DLG2: variants seen among roughly 807,000 people sequenced by gnomAD.
DLG2 encodes discs large MAGUK scaffold protein 2, also known as disks large homolog 2.
DLG2 carries 45 observed loss-of-function variants against 132.5 expected under a neutral mutation model. That is an observed-to-expected ratio of 0.34 (90% CI 0.27 to 0.44). DLG2 has a LOEUF of 0.44. Among genes scored for constraint, DLG2 ranks in the 20% least tolerant of loss-of-function variants. The pLI, the probability that DLG2 is intolerant of heterozygous loss-of-function variation, is 1.00. For synonymous variants in DLG2, 424 were observed against 419.6 expected, an observed-to-expected ratio of 1.01 and a Z score of -0.13; for missense variants, 1,045 against 1,196.9, an observed-to-expected ratio of 0.87 and a Z score of 1.87.
intron 6 of DLG2, among the ~76,000 whole-genome samples, chr11:85,048,995 C>A (rs1011825651): frequency 1.3e-5 from 2 of 151,988 alleles, no homozygotes; most frequent in African/African-American, 4.8e-5. Context: ...AATTCAATAA[C>A]CCTATACCTC....
At position 83,611,583 on chromosome 11, in the gene DLG2, C is replaced by T. The variant is rs1439324293; in HGVS notation, c.1940+21628G>A. Among the ~76,000 whole-genome samples the T allele has an allele frequency of 9.2e-5, 14 of 152,276 alleles. No individual in the cohort carries two copies. The South Asian group carries it at 2.5e-3, about 27-fold the overall frequency. ...ATTAAGACTTTTACACTTATCTGTA[C>T]ATAAAAATGGAAATTATTTCAATAA... is the stretch of plus-strand genomic sequence containing the variant. On this transcript the variant is annotated intron_variant, in intron 19 of 27. Coordinates refer to ENST00000376104, the MANE Select transcript of DLG2 (RefSeq NM_001142699.3).
intron 6 of DLG2, among the ~76,000 whole-genome samples, chr11:84,959,811 A>G (rs766512237): frequency 2.6e-5 from 4 of 152,156 alleles, no homozygotes; most frequent in South Asian, 2.1e-4. Context: ...TGTATATAGA[A>G]AGATATGAGT....
intron 6 of DLG2, among the ~76,000 whole-genome samples, chr11:84,568,623 T>A (rs2099467525): frequency 6.6e-6 from 1 of 152,138 alleles, no homozygotes; most frequent in Non-Finnish European, 1.5e-5. Context: ...ATGGCTAGTA[T>A]CTATGCCCAG....
Position 84,946,157 on chromosome 11 carries a change from C to A in DLG2, c.357+165504G>T, listed in dbSNP as rs1376536814. Among the ~76,000 whole-genome samples the A allele has an allele frequency of 2.6e-5, 4 of 152,318 alleles. No individual in the cohort carries two copies. The East Asian group carries it at 5.8e-4, about 22-fold the overall frequency. ...TGGGACCAAACATTTCATCCAGGAA[C>A]CAAAGTCTAGAATCAGAAACCCCAG... On this transcript the variant is annotated intron_variant, in intron 6 of 27. Transcript: ENST00000376104.
At chr11:84,207,246 A>G (rs2154305264) in intron 8 of DLG2, among the ~76,000 whole-genome samples, 1 of 152,214 alleles carries the variant, frequency 6.6e-6, no homozygotes, top group Admixed American at 6.5e-5. Context: ...AGTCAATGAA[A>G]TGCCAATGAA....
chr11:85,615,876 G>T (rs562769406), intron 2 of DLG2, among the ~76,000 whole-genome samples: 3 of 151,794 alleles, frequency 2.0e-5, no homozygotes, highest in African/African-American at 7.3e-5. Flanking sequence ...TGATGGAAGG[G>T]GACTCTGACA....
At position 83,482,769 on chromosome 11, in the gene DLG2, C is replaced by T. The variant is rs35339362; in HGVS notation, c.2293+1360G>A. Among the ~76,000 whole-genome samples the T allele has an allele frequency of 6.4e-4, 97 of 152,212 alleles. 1 individual carries two copies. The South Asian group carries it at 7.0e-3, about 11-fold the overall frequency. On this transcript the variant is annotated intron_variant, in intron 22 of 27. Transcript: ENST00000376104. Reference sequence around the variant, plus strand: ...AGAGAATGCATGTTCCTTTTGACTACGAAACAGCTCCTTTACTAACAGCAA... The same window carrying T: ...AGAGAATGCATGTTCCTTTTGACTATGAAACAGCTCCTTTACTAACAGCAA...
chr11:84,549,663 A>C (rs1195362142), intron 6 of DLG2, among the ~76,000 whole-genome samples: 1 of 152,132 alleles, frequency 6.6e-6, no homozygotes, highest in Admixed American at 6.5e-5. Flanking sequence ...CACTATAGGA[A>C]ATTGATGAGA....
rs1169824422 is a variant in DLG2, at chr11:84,100,235, AGAGATATATATATCTAAAGC to A, written c.625-1208_625-1189del. Among the ~76,000 whole-genome samples, 2 of 42,804 alleles carry A rather than the reference AGAGATATATATATCTAAAGC, an allele frequency of 4.7e-5. 1 individual carries two copies. Among genetic ancestry groups the A allele is most frequent in the South Asian group, 2.1e-3 (2 of 958 alleles). The allele number at this position is 42,804 out of a possible 152,430, so 28.1% of individuals were successfully genotyped here. Reference sequence around the variant, plus strand: ...TCTAAAGAGATATATATATATCTAAAGAGATATATATATCTAAAGCGATATATATATATATAAAGGATATA... The same window carrying A: ...TCTAAAGAGATATATATATATCTAAAGATATATATATATATAAAGGATATA... On this transcript the variant is annotated intron_variant, in intron 9 of 27. Transcript: ENST00000376104.
intron 6 of DLG2, among the ~76,000 whole-genome samples, chr11:84,857,060 T>TTGGTAAAATTACCAATG (rs1566166643): frequency 1.3e-5 from 2 of 150,386 alleles, no homozygotes; most frequent in African/African-American, 4.9e-5. Context: ...TTTGAAGCCA[T>TTGGTAAAATTACCAATG]TGGTAAAATT....
At chr11:85,203,233 A>G (rs1330632658) in intron 4 of DLG2, among the ~76,000 whole-genome samples, 2 of 151,660 alleles carry the variant, frequency 1.3e-5, no homozygotes, top group Admixed American at 6.6e-5. Flanking sequence ...CAAAAGATCA[A>G]TGAGATGAAA....
At chr11:84,781,767 T>C (rs931124837) in intron 6 of DLG2, among the ~76,000 whole-genome samples, 3 of 152,164 alleles carry the variant, frequency 2.0e-5, no homozygotes, top group Non-Finnish European at 2.9e-5. Context: ...AATTACTCTT[T>C]GCAGCCATGT....
intron 6 of DLG2, among the ~76,000 whole-genome samples, chr11:85,091,786 T>G (rs990418750): frequency 2.0e-5 from 3 of 152,324 alleles, no homozygotes; most frequent in Admixed American, 6.5e-5. Flanking sequence ...TAGGCACCAC[T>G]TCTTAGTCTA....
chr11:84,487,751 A>C (rs1603119969), intron 7 of DLG2, among the ~76,000 whole-genome samples: 1 of 152,146 alleles, frequency 6.6e-6, no homozygotes, highest in East Asian at 1.9e-4. Flanking sequence ...GATTGTGTAA[A>C]GGACACAGCT....
intron 3 of DLG2, among the ~76,000 whole-genome samples, chr11:85,493,185 T>C (rs1228233946): frequency 6.6e-6 from 1 of 152,216 alleles, no homozygotes; most frequent in Non-Finnish European, 1.5e-5. Flanking sequence ...ATGGTAGTAG[T>C]ACATGAGGTG....
chr11:84,942,609 T>C (rs976921518), intron 6 of DLG2, among the ~76,000 whole-genome samples: 1 of 152,138 alleles, frequency 6.6e-6, no homozygotes, highest in Non-Finnish European at 1.5e-5. Flanking sequence ...TACAATTTTT[T>C]AAAATTTTTT....
At chr11:84,980,118 T>C (rs868350637) in intron 6 of DLG2, among the ~76,000 whole-genome samples, 7 of 152,174 alleles carry the variant, frequency 4.6e-5, no homozygotes, top group African/African-American at 1.7e-4. Context: ...TAAATAGCTA[T>C]AAAGCATACC....
intron 6 of DLG2, among the ~76,000 whole-genome samples, chr11:85,028,542 G>A (rs577492860): frequency 6.6e-6 from 1 of 152,260 alleles, no homozygotes; most frequent in African/African-American, 2.4e-5. Context: ...TCCCTCCCAT[G>A]CTCACGGGCA....
chr11:85,007,198 A>T (rs1024247708), intron 6 of DLG2, among the ~76,000 whole-genome samples: 4 of 72,594 alleles, frequency 5.5e-5, no homozygotes, highest in African/African-American at 4.0e-4. Context: ...AGCTAAGTAC[A>T]TAACTCTCAA....
Sources: gnomAD v4.1 joint callset for allele counts (sites outside exome capture counted in the v4.1 genomes callset) on GRCh38, gnomAD v4.1.1 for gene constraint, MANE v1.5 for transcripts, NCBI Gene and HGNC (gene_info 2026-07-23, HGNC 2026-07-21) for gene names.